Variants in NAT10 observed in about 807,000 individuals in gnomAD.
NAT10 encodes the protein N-acetyltransferase 10.
In NAT10, 109 loss-of-function variants were observed where a neutral mutation model predicts 132.2. The ratio of observed to expected loss-of-function variants is 0.82; its 90% CI spans 0.71 to 0.97. The LOEUF is 0.97. Ranked by LOEUF, NAT10 falls within the 50% of genes least tolerant of loss-of-function variation. NAT10 has a pLI of 0.00. For missense variants in NAT10, 1,184 were observed against 1,263.4 expected, an observed-to-expected ratio of 0.94 and a Z score of 0.95; for synonymous variants, 479 against 478.0, an observed-to-expected ratio of 1.00 and a Z score of -0.03.
chr11:34,126,007 G>A (rs1481384158), intron 11 of NAT10, among the ~76,000 whole-genome samples: 1 of 152,082 alleles, frequency 6.6e-6, no homozygotes. Flanking sequence ...AAATGGGTGG[G>A]GTTGCCGCCT....
rs1399570183 is a variant in NAT10 at position 34,108,834 on chromosome 11, G to T, written c.200+1G>T. ...ATAAGAAAGAGCTGGGGTTTAGCAG[G>T]TAAGCTGGGCTCTTCATGTGTTTTA... On this transcript the variant is annotated splice_donor_variant, in intron 3 of 28. Transcript: ENST00000257829. LOFTEE classifies it high-confidence loss of function. The T allele has an allele frequency of 1.2e-6, 2 of 1,611,652 alleles. No homozygotes were observed. Among genetic ancestry groups the T allele is most frequent in the Non-Finnish European group, 1.7e-6 (2 of 1,179,084 alleles).
chr11:34,115,768 G>A, intron 5 of NAT10, 55 bp from the exon 6 acceptor site: 2 of 1,577,340 alleles, frequency 1.3e-6, no homozygotes, highest in Non-Finnish European at 1.7e-6. Flanking sequence ...TTTGGACCCT[G>A]GTCCTCAGCA....
At chr11:34,118,137 C>T in intron 6 of NAT10, 43 bp from the exon 7 acceptor site, 3 of 1,466,618 alleles carry the variant, frequency 2.0e-6, no homozygotes, top group South Asian at 2.3e-5. Flanking sequence ...ATAGACATTG[C>T]ATGCCCTCCC....
At chr11:34,136,945 ACACAGTGACC>A in intron 20 of NAT10, 23 bp from the exon 21 acceptor site, 1 of 1,613,858 alleles carries the variant, frequency 6.2e-7, no homozygotes, top group Non-Finnish European at 8.5e-7. Context: ...CAGAGGCCAC[ACACAGTGACC>A]TACTGTCTTT....
intron 20 of NAT10, 82 bp downstream of exon 20, chr11:34,136,857 A>G (rs943653414): frequency 1.7e-5 from 27 of 1,611,610 alleles, no homozygotes; most frequent in Non-Finnish European, 2.3e-5. Flanking sequence ...CTCTGTTGGT[A>G]GCTGGTATCG....
In NAT10 at chr11:34,115,699, T is replaced by A. The variant is rs1851772855; in HGVS notation, c.496-124T>A. ...AAATACCATTTGGCACAGCAGTGTG[T>A]GTGGGAGTGATTTTGTTTCCAGCAA... On this transcript the variant is annotated intron_variant, in intron 5 of 28. Transcript: ENST00000257829. The A allele has an allele frequency of 2.5e-5, 20 of 803,680 alleles. No homozygotes were observed. In the South Asian group the frequency reaches 3.6e-4, roughly 14 times the overall value. 49.8% of individuals were successfully genotyped at this position (803,680 alleles called of 1,614,324 possible). A position where few individuals can be genotyped will look rare whatever the true frequency, so the allele number is the denominator to read the frequency against.
chr11:34,114,690 C>G (rs891605447), intron 5 of NAT10, among the ~76,000 whole-genome samples: 10 of 152,212 alleles, frequency 6.6e-5, no homozygotes, highest in Non-Finnish European at 7.3e-5. Flanking sequence ...TCATTGCATT[C>G]AAGCCCCTGC....
At chr11:34,129,599 C>CTTTTTTTTT (rs71037399) in intron 12 of NAT10, among the ~76,000 whole-genome samples, 5 of 56,724 alleles carry the variant, frequency 8.8e-5, no homozygotes, top group Admixed American at 2.9e-4. Flanking sequence ...TCTTCTTCTT[C>CTTTTTTTTT]TTTTTTTTTT....
chr11:34,109,642 AT>A (rs1166801476), intron 3 of NAT10, among the ~76,000 whole-genome samples: 1 of 152,232 alleles, frequency 6.6e-6, no homozygotes, highest in African/African-American at 2.4e-5. Context: ...ACTTTTAGTC[AT>A]AGATAACATA....
At chr11:34,145,171 C>T (rs1565121788) in intron 28 of NAT10, among the ~76,000 whole-genome samples, 1 of 152,232 alleles carries the variant, frequency 6.6e-6, no homozygotes, top group Non-Finnish European at 1.5e-5. Flanking sequence ...GGCCTCAGCT[C>T]CTCACTCTGC....
intron 3 of NAT10, among the ~76,000 whole-genome samples, chr11:34,109,781 C>T (rs1361890588): frequency 6.6e-6 from 1 of 152,202 alleles, no homozygotes; most frequent in East Asian, 1.9e-4. Context: ...CTAATGCTCC[C>T]AGCTCAGTTT....
At chr11:34,137,130 G>C in intron 21 of NAT10, 104 bp downstream of exon 21, 2 of 1,279,888 alleles carry the variant, frequency 1.6e-6, no homozygotes, top group Non-Finnish European at 2.2e-6. Flanking sequence ...GCATCGCTCT[G>C]AGCAGGTGGC....
At chr11:34,120,879 G>A (rs1275337920) in intron 8 of NAT10, among the ~76,000 whole-genome samples, 2 of 152,208 alleles carry the variant, frequency 1.3e-5, no homozygotes, top group Admixed American at 6.5e-5. Context: ...TGTAGGAGGT[G>A]ATTTTGGAGC....
At chr11:34,135,728 A>T (rs1448572227) in intron 19 of NAT10, among the ~76,000 whole-genome samples, 1 of 152,170 alleles carries the variant, frequency 6.6e-6, no homozygotes, top group African/African-American at 2.4e-5. Flanking sequence ...TAGTATGTAT[A>T]TTTGAGAGCT....
rs948109196 is a variant in NAT10, at chr11:34,110,559, C to CT, written c.201-1468dup. 8.8e-3 allele frequency among the ~76,000 whole-genome samples: 890 copies of CT among 101,700 alleles called. 5 individuals are homozygous for CT. The highest frequency in any genetic ancestry group is 0.019 in the African/African-American group (427 of 22,316). 66.7% of individuals were successfully genotyped at this position (101,700 alleles called of 152,430 possible). On this transcript the variant is annotated intron_variant, in intron 3 of 28. Transcript: ENST00000257829. ...CTTACGTTCATTTTTTTTTCTTTCC[C>CT]TTTTTTTTTTTTTTTTTTTTTTTTT...
chr11:34,107,001 TG>T (rs1417408898), intron 1 of NAT10: 1 of 151,630 alleles, frequency 6.6e-6, no homozygotes, highest in African/African-American at 2.4e-5. Context: ...ATTGGGATGA[TG>T]CAGTATTTTA....
At chr11:34,113,657 AAAAG>A in intron 4 of NAT10, 55 bp from the exon 5 acceptor site, 2 of 1,528,520 alleles carry the variant, frequency 1.3e-6, no homozygotes, top group Middle Eastern at 1.8e-4. Context: ...AAAAAAAAAA[AAAAG>A]TCCTTTGGGT....
At position 34,125,888 on chromosome 11, in the gene NAT10, C is replaced by T. The variant is rs147297031; in HGVS notation, c.1107+1488C>T. Among the ~76,000 whole-genome samples the T allele has an allele frequency of 1.4e-3, 214 of 152,116 alleles. 1 individual carries two copies. The highest frequency in any genetic ancestry group is 4.3e-3 in the African/African-American group (179 of 41,482). On this transcript the variant is annotated intron_variant, in intron 11 of 28. Coordinates refer to ENST00000257829, the MANE Select transcript of NAT10 (RefSeq NM_024662.3). ...CCGAGGCAGGAGAATTGGTTGAACCCGAGAATTGGTTGAACCCTGGAGGCA... is the reference window on the plus strand; with the variant it reads ...CCGAGGCAGGAGAATTGGTTGAACCTGAGAATTGGTTGAACCCTGGAGGCA...
chr11:34,110,559 C>CTTTTTTTTTTTTTTT (rs948109196), intron 3 of NAT10, among the ~76,000 whole-genome samples: 9 of 101,740 alleles, frequency 8.8e-5, no homozygotes, highest in East Asian at 2.6e-4. Context: ...TTTTCTTTCC[C>CTTTTTTTTTTTTTTT]TTTTTTTTTT....
Sources: allele counts gnomAD v4.1 joint callset (sites outside exome capture counted in the v4.1 genomes callset), GRCh38; gene constraint gnomAD v4.1.1; transcripts MANE v1.5; gene names NCBI Gene and HGNC (gene_info 2026-07-23, HGNC 2026-07-21).